The following C1S variants were observed in gnomAD, a reference collection of about 807,000 sequenced individuals.
The protein encoded by C1S is complement C1s subcomponent.
A neutral mutation model predicts 54.0 loss-of-function variants in C1S; 31 were observed. The ratio of observed to expected loss-of-function variants is 0.57; its 90% CI spans 0.43 to 0.78. C1S has a LOEUF of 0.78. Among genes scored for constraint, C1S ranks in the 30% least tolerant of loss-of-function variants. The pLI is 0.00. For synonymous variants in C1S, 292 were observed against 303.6 expected (o/e 0.96, Z 0.40); for missense variants, 727 against 851.8 (o/e 0.85, Z 1.82).
intron 4 of C1S, chr12:7,063,330 G>A: frequency 1.9e-6 from 1 of 540,436 alleles, no homozygotes; most frequent in Non-Finnish European, 3.5e-6. Context: ...GTATGTATTG[G>A]GGATTGGGGA....
At chr12:7,065,713 A>C in intron 6 of C1S, 104 bp from the exon 7 acceptor site, 1 of 990,720 alleles carries the variant, frequency 1.0e-6, no homozygotes, top group East Asian at 2.4e-5. Context: ...TTTTCTTCTT[A>C]TTTTATGTGA....
At chr12:7,067,850 C>T (rs782658696) in intron 10 of C1S, 79 bp downstream of exon 10, 3 of 1,451,724 alleles carry the variant, frequency 2.1e-6, no homozygotes, top group Non-Finnish European at 2.9e-6. Flanking sequence ...GTGCCAGAGA[C>T]AGAGTTTGGA....
rs782076218 is a variant in C1S, at chr12:7,070,080, A to C, written c.1496A>C (p.Lys499Thr). ...TCAGTGCAGACCTCACGGCTGGCAA[A>C]ATCCAAGATGCTCACTCCTGAGCAT... Reference protein sequence around the residue: ...STSVQTSRLAKSKMLTPEHVF... With the variant: ...STSVQTSRLATSKMLTPEHVF... Residue 499 changes from lysine (K) to threonine (T), a missense_variant, in exon 12 of 12, where the codon AAA (lysine) becomes ACA (threonine). Transcript: ENST00000360817. The surrounding 1 kb of genome is among the most constrained non-coding windows in gnomAD (Gnocchi z 4.9). 8 of 1,614,040 alleles carry C rather than the reference A, an allele frequency of 5.0e-6. No individual in the cohort carries two copies. Among genetic ancestry groups the C allele is most frequent in the Non-Finnish European group, 6.8e-6 (8 of 1,180,026 alleles).
rs1198867920 is a variant in C1S, at chr12:7,064,269, A to G, written c.394A>G (p.Ile132Val). The G allele has an allele frequency of 2.9e-5, 46 of 1,613,950 alleles. No homozygotes were observed. Among genetic ancestry groups the G allele is most frequent in the Admixed American group, 2.3e-4 (14 of 60,000 alleles). ...CAGCCTCTTTCTACTCTTTGTAGACATAAATGAATGCACAGATTTTGTAGA... is the reference window on the plus strand; with the variant it reads ...CAGCCTCTTTCTACTCTTTGTAGACGTAAATGAATGCACAGATTTTGTAGA... ...GFAAYYVATD[I>V]NECTDFVDVP... Residue 132 changes from isoleucine to valine, a missense_variant and splice_region_variant, in exon 5 of 12, where the codon ATA becomes GTA. Physicochemically the swap from Ile to Val is conservative, Grantham distance 29. Transcript: ENST00000360817.
chr12:7,070,681 G>A lies in C1S; in HGVS notation c.*30G>A. 6.3e-7 allele frequency: 1 copy of A among 1,575,938 alleles called. No homozygotes were observed. The highest frequency in any genetic ancestry group is 1.1e-5 in the South Asian group (1 of 90,288). ...GATACATCCCACCAGCCTCTCCAAG[G>A]GTGGTGACCAATGCATTACCTTCTG... On this transcript the variant is annotated 3_prime_UTR_variant, in exon 12 of 12. Coordinates refer to ENST00000360817, the MANE Select transcript of C1S (RefSeq NM_001734.5). This position sits in a 1 kb window ranked among gnomAD's most constrained non-coding sequence, Gnocchi z 4.9.
intron 5 of C1S, 73 bp downstream of exon 5, chr12:7,064,465 C>T (rs1947144271): frequency 2.6e-6 from 4 of 1,558,342 alleles, no homozygotes; most frequent in Non-Finnish European, 3.5e-6. Context: ...AGGGCTTTGT[C>T]CACCCTTCCA....
Position 7,065,106 on chromosome 12 carries a change from G to A in C1S, c.524G>A (p.Cys175Tyr). ...TTCTCTTTTTCTCTGTTAGTTAATT[G>A]CAGTGGGGATGTATTCACTGCACTG... ...HDDMKNCGVN[C>Y]SGDVFTALIG... The change falls in exon 6 of 12, where the codon TGC becomes TAC. Residue 175 changes from cysteine to tyrosine, a missense_variant. Cys to Tyr is a radical substitution (Grantham distance 194). Coordinates refer to ENST00000360817, the MANE Select transcript of C1S (RefSeq NM_001734.5). 1 of 1,612,836 alleles carries A rather than the reference G, an allele frequency of 6.2e-7. No individual in the cohort carries two copies. The highest frequency in any genetic ancestry group is 8.5e-7 in the Non-Finnish European group (1 of 1,178,878).
Position 7,062,492 on chromosome 12 carries a change from C to A in C1S, c.23C>A (p.Ser8Ter). MWCIVLF[S>*]LLAWVYAEPT... is the part of the protein sequence containing the mutation. ...TTTTTCAGGTGCATTGTCCTGTTTT[C>A]ACTTTTGGCATGGGTTTATGCTGAG... The change falls in exon 3 of 12, where the codon TCA becomes TAA. Residue 8 changes from serine to a stop codon, truncating the protein, a stop_gained. Transcript: ENST00000360817. LOFTEE classifies it high-confidence loss of function. The A allele has an allele frequency of 6.2e-7, 1 of 1,613,156 alleles. No homozygotes were observed. Among genetic ancestry groups the A allele is most frequent in the Non-Finnish European group, 8.5e-7 (1 of 1,179,964 alleles).
intron 10 of C1S, 164 bp downstream of exon 10, chr12:7,067,935 A>G: frequency 2.6e-6 from 2 of 771,950 alleles, no homozygotes; most frequent in Admixed American, 4.1e-5. Flanking sequence ...CATCTGGAGC[A>G]GGGCAAGTTC....
intron 4 of C1S, 98 bp from the exon 5 acceptor site, chr12:7,064,169 C>G (rs1947139028): frequency 8.3e-7 from 1 of 1,201,676 alleles, no homozygotes; most frequent in Admixed American, 1.7e-5. Flanking sequence ...AAGCAATAGG[C>G]CTTTCCTACT....
At chr12:7,062,120 AAT>A in intron 2 of C1S, 2 of 601,910 alleles carry the variant, frequency 3.3e-6, no homozygotes, top group East Asian at 2.9e-5. Flanking sequence ...AAAAAAAAAA[AAT>A]TAGCCCAGCG....
intron 7 of C1S, 132 bp downstream of exon 7, chr12:7,066,102 G>A (rs1947173280): frequency 2.4e-6 from 2 of 847,832 alleles, no homozygotes; most frequent in Non-Finnish European, 4.0e-6. Context: ...GCTGAGGCAG[G>A]AGGATCCCTT....
Position 7,067,027 on chromosome 12 carries a change from A to G in C1S, c.988-12A>G. 1.3e-6 allele frequency: 2 copies of G among 1,596,672 alleles called. No homozygotes were observed. The highest frequency in any genetic ancestry group is 1.7e-6 in the Non-Finnish European group (2 of 1,164,120). On this transcript the variant is annotated splice_polypyrimidine_tract_variant and intron_variant, in intron 8 of 11. Coordinates refer to ENST00000360817, the MANE Select transcript of C1S (RefSeq NM_001734.5). ...TCTTCAGAAATAAGTGGTGATGTTTATTATTCTCCAGGGACGTGTTGGTGC... is the reference window on the plus strand; with the variant it reads ...TCTTCAGAAATAAGTGGTGATGTTTGTTATTCTCCAGGGACGTGTTGGTGC...
intron 11 of C1S, among the ~76,000 whole-genome samples, chr12:7,069,363 C>T (rs1555162807): frequency 6.6e-6 from 1 of 152,110 alleles, no homozygotes; most frequent in African/African-American, 2.4e-5. Flanking sequence ...CTGTGGTTTA[C>T]TAGGAGGGAC....
chr12:7,065,990 C>G lies in C1S; in HGVS notation c.871+20C>G. On this transcript the variant is annotated intron_variant, in intron 7 of 11. Coordinates refer to ENST00000360817, the MANE Select transcript of C1S (RefSeq NM_001734.5). Reference sequence around the variant, plus strand: ...GAGATCGTGAGTAACTTAGAAGTGCCTCTTTGGTTGGTGATACCAAAGTCC... The same window carrying G: ...GAGATCGTGAGTAACTTAGAAGTGCGTCTTTGGTTGGTGATACCAAAGTCC... 6.2e-7 allele frequency: 1 copy of G among 1,611,740 alleles called. No homozygotes were observed. The highest frequency in any genetic ancestry group is 8.5e-7 in the Non-Finnish European group (1 of 1,177,916).
At position 7,070,861 on chromosome 12, in the gene C1S, T is replaced by A; in HGVS notation, c.*210T>A. ...TTTGTGGTCTGACTCCTTGGGGTCC[T>A]TTCCCCGGAGTACCTATTGTAGATA... On this transcript the variant is annotated 3_prime_UTR_variant, in exon 12 of 12. Transcript: ENST00000360817. The surrounding 1 kb of genome is among the most constrained non-coding windows in gnomAD (Gnocchi z 4.9). 1.7e-6 allele frequency: 1 copy of A among 600,248 alleles called. No individual in the cohort carries two copies. The highest frequency in any genetic ancestry group is 3.0e-6 in the Non-Finnish European group (1 of 334,526). The allele number at this position is 600,248 out of a possible 1,614,324, so 37.2% of individuals were successfully genotyped here.
rs782691427 is a variant in C1S, at chr12:7,069,799, G to A, written c.1271-56G>A. The A allele has an allele frequency of 4.8e-5, 68 of 1,419,410 alleles. No individual in the cohort carries two copies. In the African/African-American group the frequency reaches 8.6e-4, roughly 18 times the overall value. 87.9% of individuals were successfully genotyped at this position (1,419,410 alleles called of 1,614,324 possible). ...CATTATGTGAGTGGTTGGAGGATTT[G>A]CAGGAAGCCAGCATCATTTCTTCCT... On this transcript the variant is annotated intron_variant, in intron 11 of 11. Transcript: ENST00000360817.
At position 7,061,661 on chromosome 12, in the gene C1S, AAGTT is replaced by A; in HGVS notation, c.-74-174_-74-171del. The A allele has an allele frequency of 6.7e-6, 4 of 594,360 alleles. No individual in the cohort carries two copies. The Admixed American group carries it at 1.0e-4, about 15-fold the overall frequency. 36.8% of individuals were successfully genotyped at this position (594,360 alleles called of 1,614,324 possible). On this transcript the variant is annotated intron_variant, in intron 1 of 11. Transcript: ENST00000360817. ...GGATACAATTTAGCTATAGTCTAGA[AAGTT>A]AGTCGAAGTTAACTAGGGAGGGTGT...
At position 7,070,423 on chromosome 12, in the gene C1S, T is replaced by G; in HGVS notation, c.1839T>G (p.Thr613=). The change falls in exon 12 of 12, where the codon ACT becomes ACG. Residue 613 remains threonine (T), a synonymous_variant. Transcript: ENST00000360817. The surrounding 1 kb of genome is among the most constrained non-coding windows in gnomAD (Gnocchi z 4.9). ...PTADAEAYVF[T]PNMICAGGEK... is the part of the protein sequence containing the mutation. Reference sequence around the variant, plus strand: ...CAGATGCAGAGGCCTATGTTTTCACTCCTAACATGATCTGTGCTGGAGGAG... The same window carrying G: ...CAGATGCAGAGGCCTATGTTTTCACGCCTAACATGATCTGTGCTGGAGGAG... 6.2e-7 allele frequency: 1 copy of G among 1,614,178 alleles called. No individual in the cohort carries two copies. The highest frequency in any genetic ancestry group is 8.5e-7 in the Non-Finnish European group (1 of 1,180,034).
Sources: gnomAD v4.1 joint callset for allele counts (sites outside exome capture counted in the v4.1 genomes callset) on GRCh38, gnomAD v4.1.1 for gene constraint, Gnocchi (gnomAD v3.1) non-coding constraint, MANE v1.5 for transcripts, NCBI Gene and HGNC (gene_info 2026-07-23, HGNC 2026-07-21) for gene names.